Variants in AFF3 observed in about 807,000 individuals in gnomAD.
The protein encoded by AFF3 is AF4/FMR2 family member 3.
A neutral mutation model predicts 129.7 loss-of-function variants in AFF3; 32 were observed. The observed-to-expected ratio is 0.25, with a 90% CI of 0.19 to 0.33. The LOEUF is 0.33. Ranked by LOEUF, AFF3 falls within the 10% of genes least tolerant of loss-of-function variation. The probability of loss-of-function intolerance (pLI) is 1.00; values close to 1 mark genes in which losing one functional copy is unlikely to be tolerated. For missense variants in AFF3, 1,373 were observed against 1,592.0 expected, an observed-to-expected ratio of 0.86 and a Z score of 2.34; for synonymous variants, 644 against 635.4, an observed-to-expected ratio of 1.01 and a Z score of -0.20.
intron 12 of AFF3, among the ~76,000 whole-genome samples, chr2:99,654,319 G>GA (rs548265836): frequency 6.6e-6 from 1 of 151,884 alleles, no homozygotes; most frequent in Non-Finnish European, 1.5e-5. Flanking sequence ...ATAATTTGAG[G>GA]AAAAAACCCT....
chr2:99,705,173 A>T (rs923149736), intron 11 of AFF3, among the ~76,000 whole-genome samples: 1 of 152,212 alleles, frequency 6.6e-6, no homozygotes, highest in African/African-American at 2.4e-5. Flanking sequence ...CCCAGGGGCA[A>T]CTAAACCATG....
chr2:99,557,083 T>C (rs1674998052), intron 22 of AFF3, among the ~76,000 whole-genome samples: 1 of 152,142 alleles, frequency 6.6e-6, no homozygotes, highest in African/African-American at 2.4e-5. Flanking sequence ...AAACGGTAAG[T>C]ATGTGAGGTG....
At chr2:100,105,861 A>G (rs1573443769) in intron 2 of AFF3, 1 of 1,335,420 alleles carries the variant, frequency 7.5e-7, no homozygotes, top group South Asian at 1.2e-5. Flanking sequence ...GTTGTGCCTC[A>G]CCACGCGAAC....
At chr2:99,618,224 C>CTTTTTTTTTTTTTTTTTT (rs70940180) in intron 13 of AFF3, among the ~76,000 whole-genome samples, 2 of 80,084 alleles carry the variant, frequency 2.5e-5, no homozygotes, top group African/African-American at 1.1e-4. Context: ...TCATAACATT[C>CTTTTTTTTTTTTTTTTTT]TTTTTTTTTT....
chr2:100,022,602 G>C (rs1683686992), intron 4 of AFF3, among the ~76,000 whole-genome samples: 1 of 152,016 alleles, frequency 6.6e-6, no homozygotes, highest in South Asian at 2.1e-4. Flanking sequence ...AGTAGAGATG[G>C]GGTTTTGCCA....
At chr2:99,717,471 A>G (rs1678500653) in intron 11 of AFF3, among the ~76,000 whole-genome samples, 1 of 152,224 alleles carries the variant, frequency 6.6e-6, no homozygotes, top group Non-Finnish European at 1.5e-5. Context: ...TTTCCCTAAA[A>G]TAAACGTTAT....
intron 7 of AFF3, among the ~76,000 whole-genome samples, chr2:99,875,675 G>A (rs989862597): frequency 6.6e-6 from 1 of 152,178 alleles, no homozygotes; most frequent in Non-Finnish European, 1.5e-5. Flanking sequence ...TGTGTTGATT[G>A]AATGACAATA....
chr2:99,666,026 T>C (rs1686643076), intron 12 of AFF3, among the ~76,000 whole-genome samples: 2 of 152,186 alleles, frequency 1.3e-5, no homozygotes, highest in Non-Finnish European at 2.9e-5. Flanking sequence ...AGTCTCTATG[T>C]AGCTCTGAGG....
chr2:99,818,813 T>C (rs1242884552), intron 8 of AFF3, among the ~76,000 whole-genome samples: 2 of 152,216 alleles, frequency 1.3e-5, no homozygotes, highest in Non-Finnish European at 2.9e-5. Flanking sequence ...GAACATGTAT[T>C]ATAAAAATTA....
At chr2:99,965,389 G>C (rs777398714) in intron 7 of AFF3, among the ~76,000 whole-genome samples, 1 of 152,208 alleles carries the variant, frequency 6.6e-6, no homozygotes, top group African/African-American at 2.4e-5. Flanking sequence ...CATGGAGGAA[G>C]AAACACAAAA....
intron 8 of AFF3, among the ~76,000 whole-genome samples, chr2:99,818,874 T>C (rs1440196191): frequency 6.6e-6 from 1 of 152,222 alleles, no homozygotes; most frequent in Non-Finnish European, 1.5e-5. Flanking sequence ...TATAGCCATA[T>C]ATACATACTT....
At chr2:99,813,950 G>C (rs1687001471) in intron 8 of AFF3, among the ~76,000 whole-genome samples, 1 of 152,130 alleles carries the variant, frequency 6.6e-6, no homozygotes, top group African/African-American at 2.4e-5. Context: ...TCTGTTTTCT[G>C]ACTAAGAGCA....
At position 100,104,526 on chromosome 2, in the gene AFF3, G is replaced by C. The variant is rs751108520; in HGVS notation, c.-64-8C>G. 2 of 1,244,892 alleles carry C rather than the reference G, an allele frequency of 1.6e-6. No individual in the cohort carries two copies. Among genetic ancestry groups the C allele is most frequent in the Non-Finnish European group, 2.1e-6 (2 of 969,660 alleles). The allele number at this position is 1,244,892 out of a possible 1,614,324, so 77.1% of individuals were successfully genotyped here. On this transcript the variant is annotated splice_polypyrimidine_tract_variant and splice_region_variant and intron_variant, in intron 3 of 24. Transcript: ENST00000672756. ...GCTCGGGCCGCCCGCGCGCTGCAAC[G>C]AAAGGCGCCGCTCAAGGTGCATCCC...
chr2:99,687,814 T>A (rs1675216824), intron 11 of AFF3, among the ~76,000 whole-genome samples: 1 of 152,208 alleles, frequency 6.6e-6, no homozygotes, highest in Non-Finnish European at 1.5e-5. Flanking sequence ...GAATGATACC[T>A]TTGTCACAAT....
Position 100,006,760 on chromosome 2 carries a change from G to A in AFF3, c.745C>T (p.Pro249Ser). Residue 249 changes from proline (P) to serine (S), a missense_variant, in exon 7 of 25, where the codon CCT becomes TCT. Pro to Ser is a moderately conservative substitution (Grantham distance 74). This residue lies in a region of AFF3 where 413 missense variants were observed against 424.4 expected (regional missense o/e 0.97). Coordinates refer to ENST00000672756, the MANE Select transcript of AFF3 (RefSeq NM_001386135.1). ...GTTTCCGAAGACGACTTCAGCTTAG[G>A]AGACTCATCAGGGGCCTGATCTTGG... ...DGQDQAPDESPKLKSSSETSV... is the reference protein window; with the variant it reads ...DGQDQAPDESSKLKSSSETSV... 1 of 1,614,218 alleles carries A rather than the reference G, an allele frequency of 6.2e-7. No individual in the cohort carries two copies. Among genetic ancestry groups the A allele is most frequent in the Non-Finnish European group, 8.5e-7 (1 of 1,180,038 alleles).
intron 4 of AFF3, among the ~76,000 whole-genome samples, chr2:100,064,037 C>T (rs770325837): frequency 1.3e-5 from 2 of 150,966 alleles, no homozygotes; most frequent in African/African-American, 2.4e-5. Flanking sequence ...TGCAGTGAGC[C>T]GAGATCGTGC....
At chr2:99,615,360 G>C (rs879278772) in intron 13 of AFF3, among the ~76,000 whole-genome samples, 2 of 152,354 alleles carry the variant, frequency 1.3e-5, no homozygotes, top group East Asian at 3.9e-4. Flanking sequence ...CTTCCCGCCT[G>C]TCCTGGGCAC....
chr2:100,013,553 A>C (rs1682735050), intron 4 of AFF3, among the ~76,000 whole-genome samples: 1 of 152,234 alleles, frequency 6.6e-6, no homozygotes, highest in African/African-American at 2.4e-5. Context: ...TGCCCAGAGA[A>C]CAGGAGCTAT....
intron 7 of AFF3, among the ~76,000 whole-genome samples, chr2:99,867,763 A>T (rs1034385909): frequency 6.6e-6 from 1 of 151,978 alleles, no homozygotes; most frequent in Admixed American, 6.5e-5. Flanking sequence ...CATCTCTTCC[A>T]TCCATTTCCC....
Sources: gnomAD v4.1 joint callset for allele counts (sites outside exome capture counted in the v4.1 genomes callset) on GRCh38, gnomAD v4.1.1 for gene constraint, gnomAD v4.1.1 regional missense constraint, MANE v1.5 for transcripts, NCBI Gene and HGNC (gene_info 2026-07-23, HGNC 2026-07-21) for gene names.